The following SLC25A48 variants were observed in gnomAD, a reference collection of about 807,000 sequenced individuals.
SLC25A48 encodes the protein CTC-321K16.1.
Under a neutral mutation model 32.2 loss-of-function variants are expected in SLC25A48, and 29 were observed. The observed-to-expected ratio is 0.90, with a 90% CI of 0.67 to 1.23. SLC25A48 has a LOEUF of 1.23. Among genes scored for constraint, SLC25A48 ranks in the 50% most tolerant of loss-of-function variants. SLC25A48 has a pLI of 0.00. For missense variants in SLC25A48, 399 were observed against 422.7 expected (o/e 0.94, Z 0.49); for synonymous variants, 164 against 172.3 (o/e 0.95, Z 0.38).
rs1752513715 is a variant in SLC25A48, at chr5:135,629,733, T to C, written c.-709+357T>C. Among the ~76,000 whole-genome samples the C allele has an allele frequency of 6.6e-6, 1 of 152,112 alleles. No individual in the cohort carries two copies. The highest frequency in any genetic ancestry group is 1.5e-5 in the Non-Finnish European group (1 of 68,002). ...GCGAGGGAGCTGGGGCATTGATCCTTCAACTCCCCATCCATCATGGGTGGA... is the reference window on the plus strand; with the variant it reads ...GCGAGGGAGCTGGGGCATTGATCCTCCAACTCCCCATCCATCATGGGTGGA... On this transcript the variant is annotated intron_variant, in intron 2 of 10. Transcript: ENST00000646290. The surrounding 1 kb of genome is among the most constrained non-coding windows in gnomAD (Gnocchi z 4.8).
intron 3 of SLC25A48, among the ~76,000 whole-genome samples, chr5:135,811,919 TAAAAATAC>T (rs896073673): frequency 1.6e-4 from 25 of 152,220 alleles, no homozygotes; most frequent in African/African-American, 6.0e-4. Flanking sequence ...TTGTCTCTAC[TAAAAATAC>T]AAAAACTAGC....
chr5:135,738,064 G>C (rs921453250), intron 3 of SLC25A48, among the ~76,000 whole-genome samples: 1 of 152,324 alleles, frequency 6.6e-6, no homozygotes, highest in Admixed American at 6.5e-5. Context: ...CTGTGATAGA[G>C]ACTTTCCTCG....
intron 3 of SLC25A48, among the ~76,000 whole-genome samples, chr5:135,695,873 G>A (rs1345429810): frequency 6.6e-6 from 1 of 152,192 alleles, no homozygotes; most frequent in Admixed American, 6.5e-5. Flanking sequence ...CTTAATCTTA[G>A]TCACTTGGCA....
At chr5:135,589,672 TTTAA>T (rs1203658482) in intron 1 of SLC25A48, among the ~76,000 whole-genome samples, 6 of 151,988 alleles carry the variant, frequency 3.9e-5, no homozygotes, top group African/African-American at 1.5e-4. Context: ...AAAGATGCAT[TTTAA>T]TTAATTAATT....
At chr5:135,624,813 G>A (rs993366180) in intron 1 of SLC25A48, among the ~76,000 whole-genome samples, 13 of 152,182 alleles carry the variant, frequency 8.5e-5, no homozygotes, top group Non-Finnish European at 1.6e-4. Context: ...TGGATCAGAC[G>A]ATGGAGAAGT....
intron 4 of SLC25A48, among the ~76,000 whole-genome samples, chr5:135,860,339 C>T (rs1043037058): frequency 6.6e-6 from 1 of 152,130 alleles, no homozygotes; most frequent in Non-Finnish European, 1.5e-5. Flanking sequence ...GGACACAGAA[C>T]ATATTTTATC....
intron 1 of SLC25A48, among the ~76,000 whole-genome samples, chr5:135,586,776 G>A (rs1050702328): frequency 6.6e-6 from 1 of 152,142 alleles, no homozygotes; most frequent in Non-Finnish European, 1.5e-5. Context: ...GGAGGGAAGG[G>A]TGATTAGGCT....
At chr5:135,681,146 T>C (rs1442509259) in intron 3 of SLC25A48, among the ~76,000 whole-genome samples, 1 of 152,146 alleles carries the variant, frequency 6.6e-6, no homozygotes, top group African/African-American at 2.4e-5. Context: ...CGGCTAATTT[T>C]GTATCTTTAG....
At chr5:135,679,108 G>A (rs1753834888) in intron 3 of SLC25A48, among the ~76,000 whole-genome samples, 1 of 152,192 alleles carries the variant, frequency 6.6e-6, no homozygotes. Flanking sequence ...ATAGGCAATG[G>A]CAGTAGCAGT....
chr5:135,800,069 C>G (rs181182076), intron 3 of SLC25A48, among the ~76,000 whole-genome samples: 1 of 151,860 alleles, frequency 6.6e-6, no homozygotes, highest in East Asian at 1.9e-4. Context: ...GAACTGTACA[C>G]CCCCCTGGTG....
At chr5:135,732,047 A>G (rs1455957471) in intron 3 of SLC25A48, among the ~76,000 whole-genome samples, 2 of 152,288 alleles carry the variant, frequency 1.3e-5, no homozygotes, top group East Asian at 3.8e-4. Context: ...GTGTCCATAC[A>G]GGAGCTCAAA....
intron 3 of SLC25A48, among the ~76,000 whole-genome samples, chr5:135,769,075 G>A (rs1045684418): frequency 2.0e-5 from 3 of 151,596 alleles, no homozygotes; most frequent in Admixed American, 2.0e-4. Context: ...TATTGCAGGG[G>A]GTGTAAACAC....
chr5:135,838,939 A>G (rs1009319015), intron 1 of SLC25A48, among the ~76,000 whole-genome samples: 8 of 152,198 alleles, frequency 5.3e-5, no homozygotes, highest in Non-Finnish European at 1.2e-4. Flanking sequence ...CACTGGGGCA[A>G]TGCCTAGTAG....
intron 3 of SLC25A48, among the ~76,000 whole-genome samples, chr5:135,768,802 T>C (rs1262986758): frequency 6.6e-6 from 1 of 151,820 alleles, no homozygotes; most frequent in Non-Finnish European, 1.5e-5. Context: ...TTTTTCATAA[T>C]ATCCAGGTAA....
intron 3 of SLC25A48, among the ~76,000 whole-genome samples, chr5:135,664,038 G>A (rs912184942): frequency 1.3e-5 from 2 of 152,196 alleles, no homozygotes; most frequent in African/African-American, 4.8e-5. Flanking sequence ...GCAGTCAAGA[G>A]TCAGCCCTTG....
At chr5:135,751,768 A>G (rs905344783) in intron 3 of SLC25A48, among the ~76,000 whole-genome samples, 10 of 152,280 alleles carry the variant, frequency 6.6e-5, no homozygotes, top group African/African-American at 2.2e-4. Context: ...GGAGGCTGCA[A>G]TGAGCGATGA....
chr5:135,793,701 T>G (rs1757092516), intron 3 of SLC25A48, among the ~76,000 whole-genome samples: 1 of 151,804 alleles, frequency 6.6e-6, no homozygotes, highest in Non-Finnish European at 1.5e-5. Flanking sequence ...TGTAATATCC[T>G]GGGGAGATAT....
At chr5:135,594,659 A>G (rs772451572) in intron 1 of SLC25A48, among the ~76,000 whole-genome samples, 6 of 152,156 alleles carry the variant, frequency 3.9e-5, no homozygotes, top group Non-Finnish European at 8.8e-5. Flanking sequence ...TTGGCCCCCA[A>G]GGGGAAGAGC....
At chr5:135,789,208 C>G (rs1580881652) in intron 3 of SLC25A48, among the ~76,000 whole-genome samples, 1 of 24,738 alleles carries the variant, frequency 4.0e-5, no homozygotes, top group South Asian at 2.6e-3. Context: ...CCTCCCCCGC[C>G]ACGATATGGT....
Sources: allele counts gnomAD v4.1 joint callset (sites outside exome capture counted in the v4.1 genomes callset), GRCh38; gene constraint gnomAD v4.1.1; non-coding constraint Gnocchi (gnomAD v3.1); transcripts MANE v1.5; gene names NCBI Gene and HGNC (gene_info 2026-07-23, HGNC 2026-07-21).